HLCS: variants seen among roughly 807,000 people sequenced by gnomAD.
The protein encoded by HLCS is holocarboxylase synthetase, also known as biotin--protein ligase.
A neutral mutation model predicts 75.0 loss-of-function variants in HLCS; 53 were observed. The observed-to-expected ratio is 0.71, with a 90% confidence interval of 0.57 to 0.89. The LOEUF is 0.89. HLCS is among the 40% of genes least tolerant of loss of function. The pLI, the probability that HLCS is intolerant of heterozygous loss-of-function variation, is 0.00. For missense variants in HLCS, 966 were observed against 1,074.0 expected (o/e 0.90, Z 1.41); for synonymous variants, 431 against 428.6 (o/e 1.01, Z -0.07).
chr21:36,764,507 C>T lies in HLCS; in HGVS notation c.2121+505G>A, dbSNP rs2089964776. Among the ~76,000 whole-genome samples, 3 of 152,258 alleles carry T rather than the reference C, an allele frequency of 2.0e-5. 1 individual carries two copies. In the South Asian group the frequency reaches 6.2e-4, roughly 32 times the overall value. ...CTGCTTGAGCTCAGGACTTCAAGACCAGCCTGGGCCACATGGTGAAACCCC... is the reference window on the plus strand; with the variant it reads ...CTGCTTGAGCTCAGGACTTCAAGACTAGCCTGGGCCACATGGTGAAACCCC... On this transcript the variant is annotated intron_variant, in intron 8 of 10. Transcript: ENST00000674895.
chr21:36,761,730 T>C (rs908393123), intron 8 of HLCS, among the ~76,000 whole-genome samples: 1 of 152,160 alleles, frequency 6.6e-6, no homozygotes, highest in African/African-American at 2.4e-5. Context: ...GAAACCTGTG[T>C]CTAGGAGGCT....
chr21:36,768,111 C>T lies in HLCS; in HGVS notation c.1893-826G>A, dbSNP rs970266796. ...TCCTCTCTACGTGCCCAGGAATTGC[C>T]GATCAGGTGCTGCGCAGGCGCGGTT... On this transcript the variant is annotated intron_variant, in intron 6 of 10. Transcript: ENST00000674895. Among the ~76,000 whole-genome samples, 5 of 152,342 alleles carry T rather than the reference C, an allele frequency of 3.3e-5. No individual in the cohort carries two copies. In the East Asian group the frequency reaches 5.8e-4, roughly 18 times the overall value.
At chr21:36,929,272 G>A (rs1015911121) in intron 5 of HLCS, among the ~76,000 whole-genome samples, 2 of 152,190 alleles carry the variant, frequency 1.3e-5, no homozygotes, top group East Asian at 3.9e-4. Flanking sequence ...CCAGCTGGGA[G>A]CCTCAGAGCA....
At position 36,754,292 on chromosome 21, in the gene HLCS, T is replaced by C. The variant is rs1396061493; in HGVS notation, c.2576A>G (p.Asn859Ser). The change falls in exon 11 of 11, where the codon AAC (asparagine) becomes AGC (serine). Residue 859 changes from asparagine to serine, a missense_variant. Asn to Ser is a conservative substitution (Grantham distance 46). Coordinates refer to ENST00000674895, the MANE Select transcript of HLCS (RefSeq NM_001352514.2). ...GEVVTVHPDGNSFDMLRNLIL... is the reference protein window; with the variant it reads ...GEVVTVHPDGSSFDMLRNLIL... ...GAGGTTTCTCAGCATGTCGAAGGAG[T>C]TGCCGTCCGGGTGCACAGTCACAAC... The C allele has an allele frequency of 1.2e-5, 20 of 1,613,438 alleles. No homozygotes were observed. The highest frequency in any genetic ancestry group is 2.7e-5 in the African/African-American group (2 of 74,684).
chr21:36,769,488 AG>A (rs939785497), intron 6 of HLCS, among the ~76,000 whole-genome samples: 6 of 152,248 alleles, frequency 3.9e-5, no homozygotes, highest in African/African-American at 1.4e-4. Flanking sequence ...CCTTACAAAA[AG>A]AAAAAGGAAA....
At chr21:36,979,451 TTA>T (rs1381542403) in intron 1 of HLCS, among the ~76,000 whole-genome samples, 2 of 152,244 alleles carry the variant, frequency 1.3e-5, no homozygotes, top group African/African-American at 4.8e-5. Context: ...TTCACTGAAT[TTA>T]TGTTTCTATA....
intron 1 of HLCS, among the ~76,000 whole-genome samples, chr21:36,965,155 A>G (rs1555973269): frequency 2.6e-5 from 4 of 152,200 alleles, no homozygotes; most frequent in Non-Finnish European, 5.9e-5. Flanking sequence ...CACAATTTCA[A>G]CCCATATCTA....
At chr21:36,759,656 T>C in intron 9 of HLCS, 71 bp downstream of exon 9, 2 of 884,850 alleles carry the variant, frequency 2.3e-6, no homozygotes, top group Non-Finnish European at 3.9e-6. Flanking sequence ...AATGTAGGCA[T>C]GCATAAACCG....
chr21:36,811,229 T>C (rs551729808), intron 6 of HLCS, among the ~76,000 whole-genome samples: 1 of 152,238 alleles, frequency 6.6e-6, no homozygotes, highest in Non-Finnish European at 1.5e-5. Flanking sequence ...ATTCACTGGA[T>C]TCTACCCAGA....
chr21:36,786,967 G>A (rs2060705984), intron 6 of HLCS, among the ~76,000 whole-genome samples: 1 of 152,152 alleles, frequency 6.6e-6, no homozygotes, highest in Non-Finnish European at 1.5e-5. Context: ...GGGTGGTCGG[G>A]GCCCAGCACA....
At chr21:36,764,913 T>A in intron 8 of HLCS, 99 bp downstream of exon 8, 1 of 1,333,454 alleles carries the variant, frequency 7.5e-7, no homozygotes, top group South Asian at 1.2e-5. Flanking sequence ...TAGGCTGAGG[T>A]TCTACAGCCA....
intron 2 of HLCS, among the ~76,000 whole-genome samples, chr21:36,950,628 C>T (rs984247031): frequency 8.4e-6 from 1 of 118,792 alleles, no homozygotes; most frequent in Non-Finnish European, 1.8e-5. Flanking sequence ...CGCTACCATG[C>T]CTGGCTAAAT....
At chr21:36,984,627 A>C (rs925113105) in intron 1 of HLCS, among the ~76,000 whole-genome samples, 12 of 152,200 alleles carry the variant, frequency 7.9e-5, no homozygotes, top group African/African-American at 2.9e-4. Flanking sequence ...ATGGACACAG[A>C]GAGTGGAATA....
intron 6 of HLCS, among the ~76,000 whole-genome samples, chr21:36,872,138 C>G (rs1013422504): frequency 6.6e-6 from 1 of 152,006 alleles, no homozygotes; most frequent in Non-Finnish European, 1.5e-5. Context: ...AATACTTCAG[C>G]TGGGCTGGGC....
intron 6 of HLCS, among the ~76,000 whole-genome samples, chr21:36,871,826 T>G (rs1304065208): frequency 6.6e-6 from 1 of 152,192 alleles, no homozygotes; most frequent in Non-Finnish European, 1.5e-5. Context: ...GGCAAAAGAT[T>G]TGAACAACAT....
At chr21:36,960,924 A>G (rs1240557761) in intron 2 of HLCS, among the ~76,000 whole-genome samples, 6 of 152,228 alleles carry the variant, frequency 3.9e-5, no homozygotes, top group African/African-American at 1.4e-4. Flanking sequence ...GGCCATCAAG[A>G]GGAATGCCCA....
intron 6 of HLCS, 117 bp downstream of exon 6, chr21:36,896,743 A>G: frequency 2.8e-5 from 32 of 1,134,570 alleles, no homozygotes; most frequent in Non-Finnish European, 4.2e-5. Context: ...CACCTTGCTA[A>G]TAGGTCTGGT....
Position 36,966,425 on chromosome 21 carries a change from G to GGGGGCCCCCCCCC in HLCS, c.195+18_195+19insGGGGGGGGGCCCC. The GGGGGCCCCCCCCC allele has an allele frequency of 5.1e-6, 1 of 195,440 alleles. No homozygotes were observed. The highest frequency in any genetic ancestry group is 8.6e-6 in the Non-Finnish European group (1 of 116,692). 12.1% of individuals were successfully genotyped at this position (195,440 alleles called of 1,614,324 possible). ...CCGGCTCGCGGGGCCCGGGTCGCCC[G>GGGGGCCCCCCCCC]CCCGCCCGACCCGCCCACCTGGCTG... On this transcript the variant is annotated intron_variant, in intron 1 of 10. Coordinates refer to ENST00000674895, the MANE Select transcript of HLCS (RefSeq NM_001352514.2).
chr21:36,792,688 G>A (rs963868190), intron 6 of HLCS, among the ~76,000 whole-genome samples: 1 of 152,156 alleles, frequency 6.6e-6, no homozygotes, highest in Middle Eastern at 3.2e-3. Flanking sequence ...GCTGTCAAGA[G>A]GCATGCCCAG....
Sources: gnomAD v4.1 joint callset for allele counts (sites outside exome capture counted in the v4.1 genomes callset) on GRCh38, gnomAD v4.1.1 for gene constraint, MANE v1.5 for transcripts, NCBI Gene and HGNC (gene_info 2026-07-23, HGNC 2026-07-21) for gene names.